Variants in UHMK1 observed in about 807,000 individuals in gnomAD.
UHMK1 encodes the protein serine/threonine-protein kinase Kist.
In UHMK1, 18 loss-of-function variants were observed where a neutral mutation model predicts 44.0. The observed-to-expected ratio is 0.41, with a 90% CI of 0.28 to 0.61. The LOEUF (loss-of-function observed/expected upper bound fraction) is 0.61. Among genes scored for constraint, UHMK1 ranks in the 20% least tolerant of loss-of-function variants. The probability of loss-of-function intolerance (pLI) is 0.31; values close to 1 mark genes in which losing one functional copy is unlikely to be tolerated. For synonymous variants in UHMK1, 231 were observed against 198.5 expected, an observed-to-expected ratio of 1.16 and a Z score of -1.38; for missense variants, 463 against 522.5, an observed-to-expected ratio of 0.89 and a Z score of 1.11.
chr1:162,519,351 C>T (rs928695598), intron 7 of UHMK1, among the ~76,000 whole-genome samples: 1 of 151,170 alleles, frequency 6.6e-6, no homozygotes, highest in Non-Finnish European at 1.5e-5. Flanking sequence ...ACTGCTAAAT[C>T]ATGCTTTATT....
At chr1:162,506,866 GA>G (rs993606805) in intron 4 of UHMK1, among the ~76,000 whole-genome samples, 5 of 146,756 alleles carry the variant, frequency 3.4e-5, no homozygotes, top group South Asian at 2.1e-4. Flanking sequence ...TCTGTCTCAA[GA>G]AAAAAAAAAG....
At chr1:162,515,124 TAA>T (rs1255678552) in intron 6 of UHMK1, among the ~76,000 whole-genome samples, 2 of 150,852 alleles carry the variant, frequency 1.3e-5, no homozygotes, top group Non-Finnish European at 3.0e-5. Flanking sequence ...TATGTCCTCT[TAA>T]TATTTAAAAT....
Position 162,500,793 on chromosome 1 carries a change from T to C in UHMK1, c.562-120T>C, listed in dbSNP as rs1651240089. 16 of 976,082 alleles carry C rather than the reference T, an allele frequency of 1.6e-5. No homozygotes were observed. In the South Asian group the frequency reaches 2.6e-4, roughly 16 times the overall value. The allele number at this position is 976,082 out of a possible 1,614,324, so 60.5% of individuals were successfully genotyped here. A position where few individuals can be genotyped will look rare whatever the true frequency, so the allele number is the denominator to read the frequency against. ...AATTATGGTAATCAAGGACTAAAAATTTTTAGCATTTAGCTTGGCAGTGGG... is the reference window on the plus strand; with the variant it reads ...AATTATGGTAATCAAGGACTAAAAACTTTTAGCATTTAGCTTGGCAGTGGG... On this transcript the variant is annotated intron_variant, in intron 2 of 7. Coordinates refer to ENST00000489294, the MANE Select transcript of UHMK1 (RefSeq NM_175866.5).
intron 3 of UHMK1, among the ~76,000 whole-genome samples, chr1:162,503,055 A>C (rs1651332805): frequency 6.6e-6 from 1 of 152,202 alleles, no homozygotes; most frequent in African/African-American, 2.4e-5. Context: ...ATGACAAATA[A>C]GATGTTTTAA....
chr1:162,504,817 C>A (rs1651410101), intron 4 of UHMK1, among the ~76,000 whole-genome samples: 1 of 152,160 alleles, frequency 6.6e-6, no homozygotes, highest in African/African-American at 2.4e-5. Flanking sequence ...CTCCATCACC[C>A]AAGCTGGAGT....
chr1:162,512,588 A>G lies in UHMK1; in HGVS notation c.925+12A>G, dbSNP rs1553224574. The G allele has an allele frequency of 1.4e-5, 22 of 1,607,268 alleles. No homozygotes were observed. The highest frequency in any genetic ancestry group is 1.5e-5 in the Non-Finnish European group (18 of 1,178,334). ...TAGCATTCCTTTTGGTAAGTTGTGT[A>G]TTCTTTTATTTTTTTCTTGGTCATT... is the stretch of plus-strand genomic sequence containing the variant. On this transcript the variant is annotated intron_variant, in intron 5 of 7. Transcript: ENST00000489294.
Position 162,512,763 on chromosome 1 carries a change from G to C in UHMK1, c.964G>C (p.Val322Leu). ...IEDLVMLPTP[V>L]LRLLNVLDDD... ...AGATCTGGTCATGCTTCCCACTCCA[G>C]TGCTAAGACTGCTGAATGTGCTGGA... Residue 322 changes from valine (V) to leucine (L), a missense_variant, in exon 6 of 8, where the codon GTG becomes CTG. Val to Leu is a conservative substitution (Grantham distance 32). Around this residue, in one of 3 missense-constraint regions of UHMK1, gnomAD observed 264 missense variants for 326.3 expected, o/e 0.81. Transcript: ENST00000489294. 1 of 1,614,104 alleles carries C rather than the reference G, an allele frequency of 6.2e-7. No homozygotes were observed. The highest frequency in any genetic ancestry group is 8.5e-7 in the Non-Finnish European group (1 of 1,180,018).
At chr1:162,505,540 A>G (rs1189160856) in intron 4 of UHMK1, among the ~76,000 whole-genome samples, 1 of 152,246 alleles carries the variant, frequency 6.6e-6, no homozygotes, top group Non-Finnish European at 1.5e-5. Flanking sequence ...TACCACAAGC[A>G]TGTGAGTGAT....
At chr1:162,500,780 C>A in intron 2 of UHMK1, 133 bp from the exon 3 acceptor site, 1 of 803,238 alleles carries the variant, frequency 1.2e-6, no homozygotes, top group Non-Finnish European at 1.9e-6. Flanking sequence ...TTATGGTAAT[C>A]AAGGACTAAA....
At chr1:162,511,922 C>G (rs1355152361) in intron 4 of UHMK1, among the ~76,000 whole-genome samples, 1 of 151,912 alleles carries the variant, frequency 6.6e-6, no homozygotes, top group East Asian at 1.9e-4. Flanking sequence ...TCCCTGGGCT[C>G]TCTGATCTGT....
At chr1:162,507,714 G>T (rs1045570957) in intron 4 of UHMK1, among the ~76,000 whole-genome samples, 1 of 151,164 alleles carries the variant, frequency 6.6e-6, no homozygotes, top group African/African-American at 2.4e-5. Context: ...AGCCTCCCGA[G>T]TAGCTGGGAC....
rs552401052 is a variant in UHMK1 at position 162,498,202 on chromosome 1, G to A, written c.202G>A (p.Ala68Thr). The A allele has an allele frequency of 2.2e-5, 36 of 1,612,664 alleles. No homozygotes were observed. The East Asian group carries it at 8.0e-4, about 36-fold the overall frequency. Residue 68 changes from alanine (A) to threonine (T), a missense_variant, in exon 1 of 8, where the codon GCC (alanine) becomes ACC (threonine). Physicochemically the swap from Ala to Thr is moderately conservative, Grantham distance 58 (BLOSUM62 0). Around this residue, in one of 3 missense-constraint regions of UHMK1, gnomAD observed 191 missense variants for 176.0 expected, o/e 1.09. Coordinates refer to ENST00000489294, the MANE Select transcript of UHMK1 (RefSeq NM_175866.5). ...AGGAACCACCGGGGCTGCGGCCTCT[G>A]CCGCCGAGTATGGTTTCCGCAAAGA... ...PPGTTGAAAS[A>T]AEYGFRKERA...
rs1255284653 is a variant in UHMK1, at chr1:162,528,074, A to G, written c.*5524A>G. The G allele has an allele frequency of 1.3e-5, 2 of 152,016 alleles. No homozygotes were observed. The highest frequency in any genetic ancestry group is 3.8e-4 in the East Asian group (2 of 5,196). The allele number at this position is 152,016 out of a possible 1,614,324, so 9.4% of individuals were successfully genotyped here. A position where few individuals can be genotyped will look rare whatever the true frequency, so the allele number is the denominator to read the frequency against. Reference sequence around the variant, plus strand: ...TTCCCCTTCTAAGTTATCTTCCCTTAATAATATTTATGATACCAGGACAGT... The same window carrying G: ...TTCCCCTTCTAAGTTATCTTCCCTTGATAATATTTATGATACCAGGACAGT... On this transcript the variant is annotated 3_prime_UTR_variant, in exon 8 of 8. Transcript: ENST00000489294.
At position 162,500,246 on chromosome 1, in the gene UHMK1, A is replaced by C; in HGVS notation, c.560A>C (p.Gln187Pro). 6.2e-7 allele frequency: 1 copy of C among 1,608,204 alleles called. No individual in the cohort carries two copies. The highest frequency in any genetic ancestry group is 8.5e-7 in the Non-Finnish European group (1 of 1,175,650). Residue 187 changes from glutamine to proline, a missense_variant and splice_region_variant, in exon 2 of 8, where the codon CAG becomes CCG. Physicochemically the swap from Gln to Pro is moderately conservative, Grantham distance 76. Transcript: ENST00000489294. ...DFGLSFKEGN[Q>P]DVKYIQTDGY... ...GGACTTAGCTTCAAAGAAGGCAATC[A>C]GGTAAGAAATAACCTTTTCTTTTCT...
At chr1:162,515,986 G>A (rs6427675) in intron 6 of UHMK1, among the ~76,000 whole-genome samples, 69,595 of 151,178 alleles carry the variant, frequency 0.46, 16,031 homozygotes, top group East Asian at 0.47. Flanking sequence ...GTGAGCCGAG[G>A]TGGCACCACT....
rs562807651 is a variant in UHMK1 at position 162,505,722 on chromosome 1, T to C, written c.848+1874T>C. ...TAGTAGGTTTTTCAGATTTCTAGAC[T>C]ATGGACTGGAAGTGAATAAAATAAT... On this transcript the variant is annotated intron_variant, in intron 4 of 7. Coordinates refer to ENST00000489294, the MANE Select transcript of UHMK1 (RefSeq NM_175866.5). Among the ~76,000 whole-genome samples the C allele has an allele frequency of 1.1e-3, 172 of 152,346 alleles. 1 individual carries two copies. The highest frequency in any genetic ancestry group is 3.9e-3 in the African/African-American group (164 of 41,576).
chr1:162,511,175 TC>T (rs1230342613), intron 4 of UHMK1, among the ~76,000 whole-genome samples: 2 of 140,782 alleles, frequency 1.4e-5, no homozygotes, highest in Non-Finnish European at 3.0e-5. Context: ...GCTCTTTTTT[TC>T]TTTTTTCTTT....
chr1:162,509,458 T>G (rs1464598868), intron 4 of UHMK1, among the ~76,000 whole-genome samples: 8 of 152,212 alleles, frequency 5.3e-5, no homozygotes, highest in Non-Finnish European at 1.0e-4. Context: ...GTATAACCCC[T>G]TATAGTTTCA....
intron 4 of UHMK1, among the ~76,000 whole-genome samples, chr1:162,510,586 A>G (rs1028443164): frequency 2.0e-5 from 3 of 150,898 alleles, no homozygotes; most frequent in African/African-American, 7.3e-5. Flanking sequence ...ATAGTATTCC[A>G]TTGTGTATAT....
Sources: gnomAD v4.1 joint callset for allele counts (sites outside exome capture counted in the v4.1 genomes callset) on GRCh38, gnomAD v4.1.1 for gene constraint, gnomAD v4.1.1 regional missense constraint, MANE v1.5 for transcripts, NCBI Gene and HGNC (gene_info 2026-07-23, HGNC 2026-07-21) for gene names.